SLC30A8: variants seen among roughly 807,000 people sequenced by gnomAD.
The protein encoded by SLC30A8 is proton-coupled zinc antiporter SLC30A8.
SLC30A8 carries 27 observed loss-of-function variants against 36.9 expected under a neutral mutation model. That is an observed-to-expected ratio of 0.73 (90% CI 0.54 to 1.01). SLC30A8 has a LOEUF of 1.01. SLC30A8 is among the 50% of genes least tolerant of loss of function. The pLI is 0.00. For missense variants in SLC30A8, 439 were observed against 452.0 expected (o/e 0.97, Z 0.26); for synonymous variants, 164 against 172.4 (o/e 0.95, Z 0.38).
At chr8:117,040,109 A>G (rs376289060) in intron 2 of SLC30A8, among the ~76,000 whole-genome samples, 14 of 152,316 alleles carry the variant, frequency 9.2e-5, no homozygotes, top group African/African-American at 3.1e-4. Flanking sequence ...CTTTCTGATC[A>G]CTGTGACTTT....
At chr8:117,098,568 G>C (rs1459112421) in intron 2 of SLC30A8, among the ~76,000 whole-genome samples, 1 of 152,152 alleles carries the variant, frequency 6.6e-6, no homozygotes, top group East Asian at 1.9e-4. Flanking sequence ...GGCACTAAGT[G>C]AGAAAGACAC....
At chr8:117,072,830 CCTA>C (rs1256749556) in intron 2 of SLC30A8, among the ~76,000 whole-genome samples, 2 of 144,032 alleles carry the variant, frequency 1.4e-5, no homozygotes, top group Admixed American at 6.9e-5. Context: ...ACCCCCAAAT[CCTA>C]CTACTTTTTT....
At chr8:117,147,312 CAA>C (rs1270945237) in intron 2 of SLC30A8, among the ~76,000 whole-genome samples, 159 bp downstream of exon 2, 1 of 152,060 alleles carries the variant, frequency 6.6e-6, no homozygotes, top group Non-Finnish European at 1.5e-5. Context: ...TAGAAGGAAA[CAA>C]AATAAAATTC....
intron 1 of SLC30A8, among the ~76,000 whole-genome samples, chr8:117,138,803 A>G (rs1301168053): frequency 6.6e-6 from 1 of 152,018 alleles, no homozygotes; most frequent in Non-Finnish European, 1.5e-5. Flanking sequence ...GTATTGCTCC[A>G]GGAGAAGTAG....
In SLC30A8 at chr8:117,135,182, G is replaced by A. The variant is rs1204178998; in HGVS notation, c.-146G>A. The A allele has an allele frequency of 5.8e-6, 3 of 513,102 alleles. No homozygotes were observed. The highest frequency in any genetic ancestry group is 2.9e-5 in the East Asian group (1 of 34,150). 31.8% of individuals were successfully genotyped at this position (513,102 alleles called of 1,614,324 possible). A position where few individuals can be genotyped will look rare whatever the true frequency, so the allele number is the denominator to read the frequency against. On this transcript the variant is annotated 5_prime_UTR_variant, in exon 1 of 8. An upstream start codon of the reference 5' UTR is lost. Coordinates refer to ENST00000456015, the MANE Select transcript of SLC30A8 (RefSeq NM_173851.3). ...TAGCAGACCTACCAACAACACTGATGTAGGAAGCTCATTATTTTAATTTCT... is the reference window on the plus strand; with the variant it reads ...TAGCAGACCTACCAACAACACTGATATAGGAAGCTCATTATTTTAATTTCT...
chr8:116,981,214 A>G (rs538737436), intron 1 of SLC30A8, among the ~76,000 whole-genome samples: 1 of 152,312 alleles, frequency 6.6e-6, no homozygotes, highest in African/African-American at 2.4e-5. Flanking sequence ...TCACTCTAGT[A>G]TGGTGACTTT....
intron 1 of SLC30A8, among the ~76,000 whole-genome samples, chr8:117,144,395 C>A (rs1821804700): frequency 6.6e-6 from 1 of 152,044 alleles, no homozygotes; most frequent in African/African-American, 2.4e-5. Flanking sequence ...TATTCCAAAG[C>A]CAGTTTGGCA....
chr8:117,027,984 CA>C (rs1468114773), intron 1 of SLC30A8, among the ~76,000 whole-genome samples: 1 of 152,120 alleles, frequency 6.6e-6, no homozygotes, highest in African/African-American at 2.4e-5. Context: ...AAGATATTTA[CA>C]AAGAATTTAA....
intron 2 of SLC30A8, among the ~76,000 whole-genome samples, chr8:117,075,190 G>A (rs1465466684): frequency 6.6e-6 from 1 of 151,984 alleles, no homozygotes; most frequent in African/African-American, 2.4e-5. Flanking sequence ...CACAAACATA[G>A]TAAACAAGCT....
At chr8:117,102,646 T>C (rs758093472) in intron 2 of SLC30A8, among the ~76,000 whole-genome samples, 4 of 152,188 alleles carry the variant, frequency 2.6e-5, no homozygotes, top group Non-Finnish European at 5.9e-5. Context: ...TTGCTTCTTC[T>C]AGTTTCTGGC....
chr8:116,961,473 A>G (rs1814421195), intron 1 of SLC30A8, among the ~76,000 whole-genome samples: 1 of 151,978 alleles, frequency 6.6e-6, no homozygotes, highest in Admixed American at 6.6e-5. Context: ...ACCTACAAGT[A>G]TATATGCAAT....
At chr8:117,078,055 A>G (rs1818546077) in intron 2 of SLC30A8, among the ~76,000 whole-genome samples, 1 of 152,198 alleles carries the variant, frequency 6.6e-6, no homozygotes, top group East Asian at 1.9e-4. Flanking sequence ...TAACCAGTTT[A>G]TTTCTCTTAC....
At chr8:117,052,451 A>G (rs1817739984) in intron 2 of SLC30A8, among the ~76,000 whole-genome samples, 2 of 152,248 alleles carry the variant, frequency 1.3e-5, no homozygotes, top group East Asian at 3.8e-4. Flanking sequence ...GGAATGAACT[A>G]TGTTTTGTAT....
Position 117,046,362 on chromosome 8 carries a change from G to T in SLC30A8, c.-226+7104G>T, listed in dbSNP as rs112942335. 2.1e-3 allele frequency among the ~76,000 whole-genome samples: 320 copies of T among 152,256 alleles called. 1 individual carries two copies. The highest frequency in any genetic ancestry group is 7.2e-3 in the African/African-American group (299 of 41,560). ...TTAGGATCACTTCTGCATGCGTCTT[G>T]TCCCCTTCCCTAATGCCCAGATAAT... On this transcript the variant is annotated intron_variant, in intron 2 of 10. Transcript: ENST00000427715.
At chr8:117,154,599 T>C (rs755335592) in intron 3 of SLC30A8, among the ~76,000 whole-genome samples, 1 of 152,202 alleles carries the variant, frequency 6.6e-6, no homozygotes, top group Non-Finnish European at 1.5e-5. Flanking sequence ...ATTCAGGAGA[T>C]GAGGCAATAA....
intron 2 of SLC30A8, among the ~76,000 whole-genome samples, chr8:117,074,396 T>C (rs1818426865): frequency 6.6e-6 from 1 of 152,174 alleles, no homozygotes. Flanking sequence ...TAGTTCCTAG[T>C]GTTTTCTTCT....
At chr8:116,992,976 A>C (rs201250002) in intron 1 of SLC30A8, among the ~76,000 whole-genome samples, 3 of 60,502 alleles carry the variant, frequency 5.0e-5, no homozygotes, top group Non-Finnish European at 1.5e-4. Flanking sequence ...AGTAAAGAAG[A>C]TATAGAGATT....
intron 2 of SLC30A8, among the ~76,000 whole-genome samples, chr8:117,093,814 C>T (rs1337690565): frequency 4.6e-5 from 7 of 152,144 alleles, no homozygotes; most frequent in South Asian, 4.1e-4. Flanking sequence ...GTGCTTGGCT[C>T]GTGCTACTGA....
rs138024002 is a variant in SLC30A8, at chr8:117,072,556, T to C, written c.-226+33298T>C. 5.8e-3 allele frequency among the ~76,000 whole-genome samples: 880 copies of C among 152,314 alleles called. 7 individuals carry two copies. The highest frequency in any genetic ancestry group is 0.045 in the South Asian group (216 of 4,822). On this transcript the variant is annotated intron_variant, in intron 2 of 10. Transcript: ENST00000427715. ...CAACCACAATAAGATTTTCCAGTTC[T>C]TTATATTTCTTTCTTACTTTAAGTC...
Sources: allele counts gnomAD v4.1 joint callset (sites outside exome capture counted in the v4.1 genomes callset), GRCh38; gene constraint gnomAD v4.1.1; transcripts MANE v1.5; gene names NCBI Gene and HGNC (gene_info 2026-07-23, HGNC 2026-07-21).